SGCZ: variants seen among roughly 807,000 people sequenced by gnomAD.
SGCZ encodes zeta-sarcoglycan.
A neutral mutation model predicts 41.3 loss-of-function variants in SGCZ; 40 were observed. The observed-to-expected ratio is 0.97, with a 90% CI of 0.75 to 1.26. SGCZ has a LOEUF of 1.26. Among genes scored for constraint, SGCZ ranks in the 50% most tolerant of loss-of-function variants. The probability of loss-of-function intolerance (pLI) is 0.00; values close to 1 mark genes in which losing one functional copy is unlikely to be tolerated. For synonymous variants in SGCZ, 206 were observed against 137.5 expected, an observed-to-expected ratio of 1.50 and a Z score of -3.49; for missense variants, 552 against 369.8, an observed-to-expected ratio of 1.49 and a Z score of -4.04.
chr8:14,584,142 T>A (rs1272831891), intron 1 of SGCZ, among the ~76,000 whole-genome samples: 1 of 152,036 alleles, frequency 6.6e-6, no homozygotes, highest in Non-Finnish European at 1.5e-5. Context: ...ACAAACCACA[T>A]AGATTTAAAT....
chr8:14,355,910 T>TAGATAAA (rs1210649710), intron 2 of SGCZ, among the ~76,000 whole-genome samples: 5 of 152,190 alleles, frequency 3.3e-5, no homozygotes, highest in Admixed American at 6.5e-5. Flanking sequence ...TTGATGTTCC[T>TAGATAAA]CCACTTACAG....
chr8:14,978,552 G>C (rs948164455), intron 1 of SGCZ, among the ~76,000 whole-genome samples: 36 of 143,194 alleles, frequency 2.5e-4, no homozygotes, highest in African/African-American at 8.0e-4. Flanking sequence ...ATTTCTGTCA[G>C]AGAGACTTTT....
intron 1 of SGCZ, among the ~76,000 whole-genome samples, chr8:14,781,033 C>G (rs142758044): frequency 6.6e-6 from 1 of 152,212 alleles, no homozygotes; most frequent in African/African-American, 2.4e-5. Context: ...TGTCATCATT[C>G]TATAAATATT....
At chr8:14,182,033 A>T (rs1342864032) in intron 4 of SGCZ, among the ~76,000 whole-genome samples, 1 of 152,158 alleles carries the variant, frequency 6.6e-6, no homozygotes, top group Non-Finnish European at 1.5e-5. Context: ...GGCATCATAA[A>T]TATAGTTAGT....
chr8:14,168,566 G>A (rs943017072), intron 4 of SGCZ, among the ~76,000 whole-genome samples: 3 of 152,138 alleles, frequency 2.0e-5, no homozygotes, highest in African/African-American at 4.8e-5. Flanking sequence ...TGCCACGTAA[G>A]ATGTGACTTG....
chr8:14,791,587 C>T (rs952617324), intron 1 of SGCZ, among the ~76,000 whole-genome samples: 1 of 152,198 alleles, frequency 6.6e-6, no homozygotes, highest in Admixed American at 6.5e-5. Flanking sequence ...CACTCCCAAA[C>T]CCATCCCCAA....
intron 2 of SGCZ, among the ~76,000 whole-genome samples, chr8:14,408,100 C>G (rs936691256): frequency 6.6e-6 from 1 of 152,064 alleles, no homozygotes; most frequent in South Asian, 2.1e-4. Flanking sequence ...CTCTAACTAC[C>G]TCTTTTACTT....
chr8:14,945,710 A>C (rs909385672), intron 1 of SGCZ, among the ~76,000 whole-genome samples: 2 of 151,606 alleles, frequency 1.3e-5, no homozygotes, highest in African/African-American at 4.9e-5. Flanking sequence ...CCCAGATAGG[A>C]CACAAAGGGG....
chr8:14,397,289 T>A (rs568329908), intron 2 of SGCZ, among the ~76,000 whole-genome samples: 71 of 152,248 alleles, frequency 4.7e-4, no homozygotes, highest in African/African-American at 1.7e-3. Flanking sequence ...AATATAGTAT[T>A]TCTGATGTAA....
intron 1 of SGCZ, among the ~76,000 whole-genome samples, chr8:14,671,901 A>G (rs1191850889): frequency 6.6e-6 from 1 of 152,160 alleles, no homozygotes; most frequent in Non-Finnish European, 1.5e-5. Flanking sequence ...TACTAATGTA[A>G]TTAATTATTA....
intron 7 of SGCZ, among the ~76,000 whole-genome samples, chr8:14,093,662 T>G (rs2116957656): frequency 6.6e-6 from 1 of 152,186 alleles, no homozygotes; most frequent in Non-Finnish European, 1.5e-5. Flanking sequence ...TTTAAATTTC[T>G]GAACCATAAG....
chr8:14,394,190 G>T (rs935314390), intron 2 of SGCZ, among the ~76,000 whole-genome samples: 6 of 120,690 alleles, frequency 5.0e-5, no homozygotes, highest in Non-Finnish European at 6.4e-5. Flanking sequence ...TCACTCTGTT[G>T]CCCAGGCTGG....
intron 2 of SGCZ, among the ~76,000 whole-genome samples, chr8:14,434,061 G>T (rs180925898): frequency 2.0e-5 from 3 of 152,232 alleles, no homozygotes; most frequent in Admixed American, 2.0e-4. Context: ...GTGTAGAAGG[G>T]TTTTTCCGAT....
chr8:14,543,621 A>G (rs898044007), intron 2 of SGCZ, among the ~76,000 whole-genome samples: 14 of 152,178 alleles, frequency 9.2e-5, no homozygotes, highest in Non-Finnish European at 2.1e-4. Flanking sequence ...TTTGATCACA[A>G]CAGATATTTA....
At chr8:14,231,786 G>A (rs1806580627) in intron 4 of SGCZ, among the ~76,000 whole-genome samples, 1 of 152,092 alleles carries the variant, frequency 6.6e-6, no homozygotes, top group Non-Finnish European at 1.5e-5. Flanking sequence ...TTCAGCACAT[G>A]TGAGAAAAAC....
Position 15,130,581 on chromosome 8 carries a change from C to T in SGCZ, c.39+107004G>A, listed in dbSNP as rs536618722. On this transcript the variant is annotated intron_variant, in intron 1 of 7. Transcript: ENST00000382080. ...GCAGGCTGGCATTCCGTGTTTAAAA[C>T]GGATGTGTCACTTCAGTTAAATTAT... Among the ~76,000 whole-genome samples, 5 of 152,248 alleles carry T rather than the reference C, an allele frequency of 3.3e-5. No homozygotes were observed. In the South Asian group the frequency reaches 6.2e-4, roughly 19 times the overall value.
intron 2 of SGCZ, among the ~76,000 whole-genome samples, chr8:14,512,586 A>C (rs1437291195): frequency 6.6e-6 from 1 of 151,750 alleles, no homozygotes; most frequent in Admixed American, 6.6e-5. Flanking sequence ...CAGCCTCCAG[A>C]GTAACTAGGG....
At chr8:14,947,701 C>A (rs189220784) in intron 1 of SGCZ, among the ~76,000 whole-genome samples, 2 of 152,156 alleles carry the variant, frequency 1.3e-5, no homozygotes, top group Non-Finnish European at 2.9e-5. Context: ...TTATAGATGA[C>A]ACCTGAAAGA....
intron 1 of SGCZ, among the ~76,000 whole-genome samples, chr8:14,887,481 T>C (rs909538918): frequency 1.3e-5 from 2 of 152,174 alleles, no homozygotes; most frequent in Non-Finnish European, 2.9e-5. Context: ...CTGCATTAAT[T>C]TGATTACTGG....
Sources: gnomAD v4.1 joint callset for allele counts (sites outside exome capture counted in the v4.1 genomes callset) on GRCh38, gnomAD v4.1.1 for gene constraint, MANE v1.5 for transcripts, NCBI Gene and HGNC (gene_info 2026-07-23, HGNC 2026-07-21) for gene names.